MARCHF8: variants seen among roughly 807,000 people sequenced by gnomAD.
MARCHF8 encodes the protein E3 ubiquitin-protein ligase MARCHF8.
Under a neutral mutation model 51.6 loss-of-function variants are expected in MARCHF8, and 40 were observed. That is an observed-to-expected ratio of 0.77 (90% CI 0.60 to 1.01). MARCHF8 has a LOEUF of 1.01. Ranked by LOEUF, MARCHF8 falls within the 50% of genes least tolerant of loss-of-function variation. MARCHF8 has a pLI of 0.00. For missense variants in MARCHF8, 685 were observed against 708.6 expected (o/e 0.97, Z 0.38); for synonymous variants, 263 against 280.3 (o/e 0.94, Z 0.62).
intron 3 of MARCHF8, among the ~76,000 whole-genome samples, chr10:45,478,168 G>A (rs187562128): frequency 6.6e-6 from 1 of 152,242 alleles, no homozygotes; most frequent in Non-Finnish European, 1.5e-5. Context: ...CACAAAACAA[G>A]TCTCAACAAA....
chr10:45,485,949 C>T (rs185235192), intron 3 of MARCHF8, among the ~76,000 whole-genome samples: 1 of 152,276 alleles, frequency 6.6e-6, no homozygotes, highest in East Asian at 1.9e-4. Flanking sequence ...CTTCAAACAG[C>T]AGGTTCATTT....
intron 1 of MARCHF8, among the ~76,000 whole-genome samples, chr10:45,547,037 A>T (rs1454526336): frequency 6.6e-6 from 1 of 151,802 alleles, no homozygotes; most frequent in African/African-American, 2.4e-5. Flanking sequence ...GGCCTGGGCA[A>T]CATAGAAAGA....
At chr10:45,478,580 A>AAAG (rs1554807850) in intron 3 of MARCHF8, among the ~76,000 whole-genome samples, 5 of 151,188 alleles carry the variant, frequency 3.3e-5, no homozygotes, top group African/African-American at 1.2e-4. Flanking sequence ...AAAAAAAAAA[A>AAAG]GATCAATGAA....
intron 2 of MARCHF8, among the ~76,000 whole-genome samples, chr10:45,521,550 GTCT>G (rs1309420414): frequency 6.6e-6 from 1 of 152,172 alleles, no homozygotes; most frequent in Admixed American, 6.5e-5. Flanking sequence ...CTTTTGGAAA[GTCT>G]GCCTGTGCCT....
intron 1 of MARCHF8, among the ~76,000 whole-genome samples, chr10:45,583,589 C>A (rs539514601): frequency 4.6e-5 from 7 of 152,178 alleles, no homozygotes; most frequent in Non-Finnish European, 7.4e-5. Context: ...AAAACTCAAC[C>A]TGCAAAGGAA....
At position 45,530,097 on chromosome 10, in the gene MARCHF8, T is replaced by TA. The variant is rs546313950; in HGVS notation, c.102+3012dup. On this transcript the variant is annotated intron_variant, in intron 2 of 7. Transcript: ENST00000453424. ...CACATCATGGAATACTACTCAGCTATAAAAAAAGAATGAATTCATGTTTTT... is the reference window on the plus strand; with the variant it reads ...CACATCATGGAATACTACTCAGCTATAAAAAAAAGAATGAATTCATGTTTTT... Among the ~76,000 whole-genome samples the TA allele has an allele frequency of 1.3e-3, 200 of 152,306 alleles. 1 individual carries two copies. The highest frequency in any genetic ancestry group is 4.3e-3 in the African/African-American group (180 of 41,566).
intron 1 of MARCHF8, among the ~76,000 whole-genome samples, chr10:45,548,488 G>A (rs954820947): frequency 3.3e-5 from 5 of 152,148 alleles, no homozygotes; most frequent in African/African-American, 1.2e-4. Flanking sequence ...AAAGGGCCTG[G>A]ACTAATGTCT....
chr10:45,534,123 CAGTG>C (rs1474724000), intron 1 of MARCHF8, among the ~76,000 whole-genome samples: 2 of 151,998 alleles, frequency 1.3e-5, no homozygotes, highest in African/African-American at 2.4e-5. Context: ...GCGGAGCTCG[CAGTG>C]AGCCAAGATC....
At chr10:45,590,902 C>A (rs11239569) in intron 1 of MARCHF8, among the ~76,000 whole-genome samples, 33,747 of 152,142 alleles carry the variant, frequency 0.22, 4,081 homozygotes, top group Admixed American at 0.29. Context: ...CCTGAAGCAA[C>A]TGAAGATCCA....
intron 3 of MARCHF8, among the ~76,000 whole-genome samples, chr10:45,464,896 C>G (rs982673478): frequency 2.6e-5 from 4 of 152,200 alleles, no homozygotes; most frequent in Non-Finnish European, 5.9e-5. Flanking sequence ...ATAGCTCAAC[C>G]AGGGGCTGAG....
At chr10:45,555,262 A>G (rs2044239159) in intron 1 of MARCHF8, among the ~76,000 whole-genome samples, 1 of 151,906 alleles carries the variant, frequency 6.6e-6, no homozygotes, top group Non-Finnish European at 1.5e-5. Flanking sequence ...TTGATCATTA[A>G]TAAGAATAAC....
chr10:45,477,965 T>C (rs975216125), intron 3 of MARCHF8, among the ~76,000 whole-genome samples: 7 of 152,208 alleles, frequency 4.6e-5, no homozygotes, highest in Admixed American at 1.3e-4. Flanking sequence ...AGTATAATAA[T>C]AGCTGAGGAC....
At chr10:45,484,805 G>A (rs1050044555) in intron 3 of MARCHF8, among the ~76,000 whole-genome samples, 1 of 152,148 alleles carries the variant, frequency 6.6e-6, no homozygotes, top group African/African-American at 2.4e-5. Context: ...TGGCTTGTTT[G>A]AAAATCATCA....
chr10:45,486,569 A>C (rs972213662), intron 3 of MARCHF8, among the ~76,000 whole-genome samples: 9 of 152,312 alleles, frequency 5.9e-5, no homozygotes, highest in Non-Finnish European at 1.3e-4. Flanking sequence ...GTCTAAAAAA[A>C]AATGTATGCA....
intron 2 of MARCHF8, among the ~76,000 whole-genome samples, chr10:45,497,103 G>C (rs759079676): frequency 1.4e-4 from 22 of 151,784 alleles, no homozygotes; most frequent in Non-Finnish European, 7.4e-5. Flanking sequence ...TTATAAACAG[G>C]ATTACAGTAA....
chr10:45,470,944 C>T (rs1005072294), intron 3 of MARCHF8, among the ~76,000 whole-genome samples: 1 of 152,132 alleles, frequency 6.6e-6, no homozygotes, highest in Non-Finnish European at 1.5e-5. Flanking sequence ...AAAAATGAGC[C>T]ACAATTAAAA....
intron 1 of MARCHF8, among the ~76,000 whole-genome samples, chr10:45,573,113 A>T: frequency 6.6e-6 from 1 of 152,116 alleles, no homozygotes; most frequent in Middle Eastern, 3.2e-3. Context: ...ATCAAATATG[A>T]AAAACCCAGC....
intron 1 of MARCHF8, among the ~76,000 whole-genome samples, chr10:45,580,698 G>C (rs2044544989): frequency 6.6e-6 from 1 of 152,156 alleles, no homozygotes; most frequent in South Asian, 2.1e-4. Flanking sequence ...ACATTAAGGA[G>C]GAAACATGCT....
chr10:45,591,486 G>A lies in MARCHF8; in HGVS notation c.-79+2749C>T, dbSNP rs144324891. On this transcript the variant is annotated intron_variant, in intron 1 of 6. Coordinates refer to the MARCHF8 transcript ENST00000319836. ...CTGTCTCAAAAAAAAAAAAGCAGCAGCAGCAGCAAGCAAAGAAATGACAGA... is the reference window on the plus strand; with the variant it reads ...CTGTCTCAAAAAAAAAAAAGCAGCAACAGCAGCAAGCAAAGAAATGACAGA... Among the ~76,000 whole-genome samples the A allele has an allele frequency of 6.0e-3, 910 of 151,936 alleles. 10 individuals carry two copies. The highest frequency in any genetic ancestry group is 0.021 in the African/African-American group (852 of 41,432).
Sources: allele counts gnomAD v4.1 joint callset (sites outside exome capture counted in the v4.1 genomes callset), GRCh38; gene constraint gnomAD v4.1.1; transcripts MANE v1.5; gene names NCBI Gene and HGNC (gene_info 2026-07-23, HGNC 2026-07-21).